The following NRG1 variants were observed in gnomAD, a reference collection of about 807,000 sequenced individuals.
The protein encoded by NRG1 is pro-neuregulin-1, membrane-bound isoform.
In NRG1, 18 loss-of-function variants were observed where a neutral mutation model predicts 63.8. The ratio of observed to expected loss-of-function variants is 0.28; its 90% CI spans 0.19 to 0.42. The LOEUF (loss-of-function observed/expected upper bound fraction) is 0.42, where lower values mean the gene tolerates loss of function less well. Ranked by LOEUF, NRG1 falls within the 10% of genes least tolerant of loss-of-function variation. The probability of loss-of-function intolerance (pLI) is 1.00; values close to 1 mark genes in which losing one functional copy is unlikely to be tolerated. For synonymous variants in NRG1, 302 were observed against 301.3 expected (o/e 1.00, Z -0.02); for missense variants, 762 against 814.7 (o/e 0.94, Z 0.79).
chr8:32,537,747 G>C (rs920514242), intron 1 of NRG1, among the ~76,000 whole-genome samples: 1 of 152,218 alleles, frequency 6.6e-6, no homozygotes, highest in Non-Finnish European at 1.5e-5. Context: ...TTTTACAGAT[G>C]AGGAAATAGC....
intron 1 of NRG1, among the ~76,000 whole-genome samples, chr8:31,999,511 G>A (rs17684306): frequency 0.07 from 10,655 of 151,960 alleles, 483 homozygotes; most frequent in Middle Eastern, 0.15. Context: ...TAATATGCCC[G>A]GCATTCACCC....
chr8:32,402,985 C>T (rs1813420103), intron 1 of NRG1, among the ~76,000 whole-genome samples: 1 of 151,812 alleles, frequency 6.6e-6, no homozygotes, highest in African/African-American at 2.4e-5. Context: ...AAAATAAAAA[C>T]ACAGAAGCCA....
intron 1 of NRG1, chr8:32,099,855 A>C (rs551881481): frequency 1.3e-5 from 2 of 152,226 alleles, no homozygotes; most frequent in Non-Finnish European, 2.9e-5. Context: ...TTTCAACTGT[A>C]CATAGTTGCA....
intron 1 of NRG1, among the ~76,000 whole-genome samples, chr8:32,188,825 G>A (rs1026760527): frequency 1.3e-5 from 2 of 151,892 alleles, no homozygotes; most frequent in Admixed American, 1.3e-4. Context: ...GTGGGGGGAG[G>A]AGGAGGGATA....
At chr8:32,365,546 T>C (rs1807855203) in intron 1 of NRG1, among the ~76,000 whole-genome samples, 1 of 152,210 alleles carries the variant, frequency 6.6e-6, no homozygotes, top group African/African-American at 2.4e-5. Context: ...TTTATTTTGG[T>C]ATAAGAATGA....
At chr8:31,938,821 C>T (rs766041473) in intron 1 of NRG1, among the ~76,000 whole-genome samples, 5 of 152,008 alleles carry the variant, frequency 3.3e-5, no homozygotes, top group Admixed American at 6.6e-5. Flanking sequence ...CTTCTGAGCT[C>T]GAAGACAAGG....
intron 5 of NRG1, among the ~76,000 whole-genome samples, chr8:32,704,555 T>C (rs1448200455): frequency 6.6e-6 from 1 of 152,144 alleles, no homozygotes; most frequent in East Asian, 1.9e-4. Flanking sequence ...TAGTTAAAAA[T>C]CTGTATGAAA....
intron 6 of NRG1, among the ~76,000 whole-genome samples, chr8:32,728,820 C>T (rs1822918347): frequency 6.6e-6 from 1 of 152,068 alleles, no homozygotes; most frequent in South Asian, 2.1e-4. Flanking sequence ...AATCCCAGCA[C>T]TTTGGGAGGC....
chr8:31,947,231 C>A (rs13439201), intron 1 of NRG1, among the ~76,000 whole-genome samples: 1 of 147,396 alleles, frequency 6.8e-6, no homozygotes, highest in Admixed American at 6.7e-5. Context: ...ACCCGGGAAG[C>A]GGAGCTTGCA....
intron 1 of NRG1, among the ~76,000 whole-genome samples, chr8:32,289,065 G>A (rs1853883856): frequency 6.6e-6 from 1 of 152,146 alleles, no homozygotes; most frequent in Non-Finnish European, 1.5e-5. Flanking sequence ...CAGAAGGAGA[G>A]TTATAGATTT....
intron 1 of NRG1, among the ~76,000 whole-genome samples, chr8:31,954,097 A>C (rs1306257506): frequency 6.6e-6 from 1 of 152,172 alleles, no homozygotes; most frequent in Non-Finnish European, 1.5e-5. Context: ...ACAGCCATAA[A>C]ATTTGTTTGA....
At position 32,234,666 on chromosome 8, in the gene NRG1, A is replaced by T. The variant is rs2129469266; in HGVS notation, c.38-361162A>T. 1.3e-5 allele frequency among the ~76,000 whole-genome samples: 2 copies of T among 152,318 alleles called. 1 individual carries two copies. Among genetic ancestry groups the T allele is most frequent in the South Asian group, 4.1e-4 (2 of 4,822 alleles). On this transcript the variant is annotated intron_variant, in intron 1 of 10. Transcript: ENST00000519301. ...ATATTAAATGTGGCAGAAAGTATGG[A>T]TGTCAATGGAATGTAAATTCTGGGC...
intron 1 of NRG1, among the ~76,000 whole-genome samples, chr8:32,538,024 G>C (rs1443276519): frequency 6.6e-6 from 1 of 151,956 alleles, no homozygotes; most frequent in Non-Finnish European, 1.5e-5. Flanking sequence ...CCTAATTTTT[G>C]TATTTTTAGT....
intron 1 of NRG1, among the ~76,000 whole-genome samples, chr8:31,842,974 TTGTC>T (rs1278066676): frequency 6.6e-6 from 1 of 152,116 alleles, no homozygotes; most frequent in Non-Finnish European, 1.5e-5. Flanking sequence ...AGATAGAAAA[TTGTC>T]TGTGTCTTAA....
chr8:31,870,324 A>G (rs1829365325), intron 1 of NRG1, among the ~76,000 whole-genome samples: 1 of 152,194 alleles, frequency 6.6e-6, no homozygotes, highest in Non-Finnish European at 1.5e-5. Context: ...CAATTATGAG[A>G]TAGGTGTGAT....
At chr8:31,946,087 G>C (rs1172585640) in intron 1 of NRG1, among the ~76,000 whole-genome samples, 1 of 152,124 alleles carries the variant, frequency 6.6e-6, no homozygotes, top group Non-Finnish European at 1.5e-5. Context: ...TAAGCACCCT[G>C]TTGTCATATC....
chr8:32,320,715 G>C (rs1450234913), intron 1 of NRG1, among the ~76,000 whole-genome samples: 1 of 152,076 alleles, frequency 6.6e-6, no homozygotes, highest in African/African-American at 2.4e-5. Context: ...CTGAGATTTG[G>C]GTGGGGACAC....
chr8:32,421,881 A>C (rs749522980), intron 1 of NRG1, among the ~76,000 whole-genome samples: 19 of 152,226 alleles, frequency 1.2e-4, no homozygotes, highest in Non-Finnish European at 2.5e-4. Context: ...CATAAAAAGT[A>C]GGAACAGAAA....
intron 1 of NRG1, among the ~76,000 whole-genome samples, chr8:32,269,928 C>A (rs987579125): frequency 6.6e-6 from 1 of 152,100 alleles, no homozygotes; most frequent in Admixed American, 6.6e-5. Context: ...ACACGAGAAC[C>A]AATGTGATTA....
Sources: allele counts gnomAD v4.1 joint callset (sites outside exome capture counted in the v4.1 genomes callset), GRCh38; gene constraint gnomAD v4.1.1; transcripts MANE v1.5; gene names NCBI Gene and HGNC (gene_info 2026-07-23, HGNC 2026-07-21).